SLC2A9: variants seen among roughly 807,000 people sequenced by gnomAD.
The protein encoded by SLC2A9 is solute carrier family 2, facilitated glucose transporter member 9.
A neutral mutation model predicts 50.6 loss-of-function variants in SLC2A9; 39 were observed. The observed-to-expected ratio is 0.77, with a 90% CI of 0.60 to 1.01. The LOEUF is 1.01. Among genes scored for constraint, SLC2A9 ranks in the 50% least tolerant of loss-of-function variants. The pLI, the probability that SLC2A9 is intolerant of heterozygous loss-of-function variation, is 0.00. For synonymous variants in SLC2A9, 324 were observed against 276.9 expected, an observed-to-expected ratio of 1.17 and a Z score of -1.69; for missense variants, 686 against 677.6, an observed-to-expected ratio of 1.01 and a Z score of -0.14.
chr4:9,836,459 G>A (rs1727130032), intron 10 of SLC2A9, among the ~76,000 whole-genome samples: 2 of 152,158 alleles, frequency 1.3e-5, no homozygotes, highest in Non-Finnish European at 2.9e-5. Context: ...ATTGAAGACG[G>A]GAAGGTGGCT....
intron 7 of SLC2A9, among the ~76,000 whole-genome samples, chr4:9,911,722 T>TC (rs749538730): frequency 6.6e-6 from 1 of 152,198 alleles, no homozygotes; most frequent in Non-Finnish European, 1.5e-5. Context: ...TAATAATACT[T>TC]CGTCTTTCAG....
chr4:9,937,138 A>C (rs542620676), intron 6 of SLC2A9, among the ~76,000 whole-genome samples: 1 of 152,344 alleles, frequency 6.6e-6, no homozygotes, highest in African/African-American at 2.4e-5. Context: ...CCTCTGCTTC[A>C]GCAAAACCCT....
At chr4:10,017,063 G>A (rs1560495485) in intron 2 of SLC2A9, among the ~76,000 whole-genome samples, 1 of 152,112 alleles carries the variant, frequency 6.6e-6, no homozygotes, top group Non-Finnish European at 1.5e-5. Flanking sequence ...TGACACCTGT[G>A]GAAATTCTAC....
At chr4:9,913,324 TGTGTGTGAGA>T (rs1488285143) in intron 7 of SLC2A9, among the ~76,000 whole-genome samples, 3 of 129,526 alleles carry the variant, frequency 2.3e-5, no homozygotes, top group African/African-American at 6.5e-5. Flanking sequence ...TGTGTGTGTG[TGTGTGTGAGA>T]GAGAGAGAGA....
chr4:9,966,883 T>C (rs1263316230), intron 5 of SLC2A9, among the ~76,000 whole-genome samples: 1 of 152,244 alleles, frequency 6.6e-6, no homozygotes, highest in Non-Finnish European at 1.5e-5. Context: ...ATTAAAATCA[T>C]ACATAGAAAT....
intron 1 of SLC2A9, among the ~76,000 whole-genome samples, chr4:10,037,217 TGTC>T (rs1764134246): frequency 1.3e-5 from 2 of 152,326 alleles, no homozygotes; most frequent in African/African-American, 4.8e-5. Flanking sequence ...TTTGGAGCAT[TGTC>T]ATCATCTCAA....
At chr4:9,781,264 G>T in intron 3 of SLC2A9, among the ~76,000 whole-genome samples, 1 of 152,306 alleles carries the variant, frequency 6.6e-6, no homozygotes, top group East Asian at 1.9e-4. Context: ...CAGGAATAAA[G>T]TCCGGATTGG....
chr4:9,900,172 T>C (rs1215068192), intron 8 of SLC2A9, among the ~76,000 whole-genome samples: 1 of 152,098 alleles, frequency 6.6e-6, no homozygotes, highest in African/African-American at 2.4e-5. Context: ...CAGTGGGCAG[T>C]GGGAACAGCC....
chr4:9,839,105 T>C (rs1444460133), intron 10 of SLC2A9, among the ~76,000 whole-genome samples: 3 of 152,110 alleles, frequency 2.0e-5, no homozygotes, highest in African/African-American at 7.2e-5. Context: ...ACTATGCATC[T>C]GACAAAGATC....
intron 3 of SLC2A9, chr4:9,782,945 G>C (rs572964780): frequency 3.5e-5 from 57 of 1,613,876 alleles, no homozygotes; most frequent in Middle Eastern, 3.4e-4. Flanking sequence ...GGGGGTCTTC[G>C]TGTGTTGCTG....
intron 4 of SLC2A9, among the ~76,000 whole-genome samples, chr4:9,983,297 C>G (rs988456924): frequency 6.6e-6 from 1 of 152,206 alleles, no homozygotes; most frequent in Non-Finnish European, 1.5e-5. Flanking sequence ...CTCCCTGGAT[C>G]GACATCCTTG....
intron 3 of SLC2A9, among the ~76,000 whole-genome samples, chr4:9,806,536 G>A (rs1484476324): frequency 3.9e-5 from 6 of 152,178 alleles, no homozygotes; most frequent in Non-Finnish European, 7.3e-5. Context: ...CTCCACATGC[G>A]ATATTTCTGT....
At chr4:9,866,238 A>ATAT (rs892639210) in intron 10 of SLC2A9, among the ~76,000 whole-genome samples, 15 of 151,086 alleles carry the variant, frequency 9.9e-5, no homozygotes, top group South Asian at 4.2e-4. Context: ...ATTATTATTA[A>ATAT]TATTATTATT....
At chr4:10,028,986 C>G (rs1317594439) in intron 1 of SLC2A9, 1 of 152,292 alleles carries the variant, frequency 6.6e-6, no homozygotes, top group African/African-American at 2.4e-5. Context: ...CCCAGTGCTC[C>G]CAGCACTGCA....
upstream of SLC2A9, among the ~76,000 whole-genome samples, chr4:10,022,239 T>A (rs368715059): frequency 3.3e-5 from 5 of 152,378 alleles, no homozygotes; most frequent in South Asian, 6.2e-4. Flanking sequence ...CCACTCTGAC[T>A]GTCCTGCAGA....
intron 2 of SLC2A9, chr4:10,009,762 T>TA (rs1294447232): frequency 6.6e-6 from 1 of 152,264 alleles, no homozygotes; most frequent in Non-Finnish European, 1.5e-5. Context: ...GCCAATGAGT[T>TA]AGACTCCTAA....
intron 11 of SLC2A9, among the ~76,000 whole-genome samples, chr4:9,829,207 C>A (rs1725628721): frequency 6.6e-6 from 1 of 152,136 alleles, no homozygotes; most frequent in South Asian, 2.1e-4. Context: ...AGTTCAGGAC[C>A]AGCCCGGCCA....
chr4:9,887,464 C>G (rs1736477583), intron 10 of SLC2A9, 103 bp downstream of exon 10: 1 of 1,172,334 alleles, frequency 8.5e-7, no homozygotes, highest in African/African-American at 1.6e-5. Flanking sequence ...TCAGGCTTTG[C>G]TTCTTCTGGG....
At chr4:9,803,166 C>T (rs1327531084) in intron 3 of SLC2A9, among the ~76,000 whole-genome samples, 2 of 152,182 alleles carry the variant, frequency 1.3e-5, no homozygotes, top group African/African-American at 4.8e-5. Flanking sequence ...GTCTAATTCT[C>T]TCTGTTTTCT....
Sources: gnomAD v4.1 joint callset for allele counts (sites outside exome capture counted in the v4.1 genomes callset) on GRCh38, gnomAD v4.1.1 for gene constraint, MANE v1.5 for transcripts, NCBI Gene and HGNC (gene_info 2026-07-23, HGNC 2026-07-21) for gene names.